Variants in CYP4F8 observed in about 807,000 individuals in gnomAD.
CYP4F8 encodes the protein cytochrome P450 4F8.
A neutral mutation model predicts 55.0 loss-of-function variants in CYP4F8; 56 were observed. The ratio of observed to expected loss-of-function variants is 1.02; its 90% CI spans 0.82 to 1.27. The LOEUF (loss-of-function observed/expected upper bound fraction) is 1.27. Among genes scored for constraint, CYP4F8 ranks in the 50% most tolerant of loss-of-function variants. CYP4F8 has a pLI of 0.00. For synonymous variants in CYP4F8, 288 were observed against 267.3 expected (o/e 1.08, Z -0.76); for missense variants, 680 against 682.4 (o/e 1.00, Z 0.04).
chr19:15,623,478 G>A, intron 7 of CYP4F8, 103 bp downstream of exon 7: 1 of 1,526,114 alleles, frequency 6.6e-7, no homozygotes, highest in Non-Finnish European at 8.8e-7. Context: ...AGGAGCCATG[G>A]AAGGTGCTCG....
In CYP4F8 at chr19:15,629,608, G is replaced by C. The variant is rs1328729944; in HGVS notation, c.*250G>C. The C allele has an allele frequency of 1.6e-5, 7 of 450,018 alleles. No homozygotes were observed. The highest frequency in any genetic ancestry group is 2.7e-5 in the Non-Finnish European group (7 of 260,556). The allele number at this position is 450,018 out of a possible 1,614,324, so 27.9% of individuals were successfully genotyped here. On this transcript the variant is annotated 3_prime_UTR_variant, in exon 13 of 13. Transcript: ENST00000612078. The stretch of plus-strand genomic sequence containing the variant: ...CCCGTGCTGAGGGTGGGATCTCCCA[G>C]AGTCTAAGTAAAGACTTTTTCCCCC...
Position 15,619,500 on chromosome 19 carries a change from A to AGACAAG in CYP4F8, c.359_364dup (p.Lys120_Asp121dup), listed in dbSNP as rs1302625991. 6.2e-7 allele frequency: 1 copy of AGACAAG among 1,614,042 alleles called. No homozygotes were observed. The highest frequency in any genetic ancestry group is 1.3e-5 in the African/African-American group (1 of 74,938). ...CCTCATTCATGTCAGATGCCATTAC[A>AGACAAG]GACAAGGACATAGTCTTCTACAAGA... On this transcript the variant is annotated inframe_insertion, in exon 4 of 13. Transcript: ENST00000612078.
intron 9 of CYP4F8, among the ~76,000 whole-genome samples, chr19:15,624,460 A>C (rs1259390141): frequency 6.6e-6 from 1 of 152,200 alleles, no homozygotes; most frequent in African/African-American, 2.4e-5. Context: ...ATCTAATATT[A>C]TGATTTATCA....
At chr19:15,619,913 ACTAAAAGG>A in intron 5 of CYP4F8, 151 bp downstream of exon 5, 1 of 606,536 alleles carries the variant, frequency 1.6e-6, no homozygotes, top group Non-Finnish European at 2.0e-6. Flanking sequence ...AATAATCCTC[ACTAAAAGG>A]TGGTAGGAGC....
rs200780867 is a variant in CYP4F8 at position 15,619,518 on chromosome 19, C to A, written c.372C>A (p.Phe124Leu). The change falls in exon 4 of 13, where the codon TTC (phenylalanine) becomes TTA (leucine). Residue 124 changes from phenylalanine to leucine, a missense_variant. Coordinates refer to ENST00000612078, the MANE Select transcript of CYP4F8 (RefSeq NM_007253.4). Reference protein sequence around the residue: ...SDAITDKDIVFYKTLKPWLGD... With the variant: ...SDAITDKDIVLYKTLKPWLGD... ...CCATTACAGACAAGGACATAGTCTT[C>A]TACAAGACCCTGAAGCCCTGGCTGG... 2.8e-4 allele frequency: 458 copies of A among 1,614,214 alleles called. 2 individuals are homozygous for A. In the African/African-American group the frequency reaches 5.7e-3, roughly 20 times the overall value.
chr19:15,618,347 G>T lies in CYP4F8; in HGVS notation c.343+203G>T, dbSNP rs150613125. On this transcript the variant is annotated intron_variant, in intron 3 of 12. Transcript: ENST00000612078. ...CTCTGCTGCCATCTTCCCCACCTCC[G>T]TGTTGTTCTGGGAACCACTGGGGCC... 8 of 886,398 alleles carry T rather than the reference G, an allele frequency of 9.0e-6. No homozygotes were observed. The South Asian group carries it at 9.9e-5, about 11-fold the overall frequency. 54.9% of individuals were successfully genotyped at this position (886,398 alleles called of 1,614,324 possible).
chr19:15,619,760 C>A lies in CYP4F8; in HGVS notation c.523C>A (p.His175Asn), dbSNP rs1433482792. The A allele has an allele frequency of 6.2e-7, 1 of 1,613,922 alleles. No homozygotes were observed. The highest frequency in any genetic ancestry group is 8.5e-7 in the Non-Finnish European group (1 of 1,179,858). ...KIFSKSANIM[H>N]AKWQRLAMEG... ...TTTCAGCAAGAGTGCAAACATCATG[C>A]ATGTGAGTGCCTTGAACTCAGCATC... The change falls in exon 5 of 13, where the codon CAT (histidine) becomes AAT (asparagine). Residue 175 changes from histidine to asparagine, a missense_variant and splice_region_variant. Transcript: ENST00000612078.
Position 15,619,810 on chromosome 19 carries a change from G to A in CYP4F8, c.525+48G>A, listed in dbSNP as rs761394715. ...CCCAGCTGCAGCCTTGGGGTGGAGG[G>A]ATCACATACAATTGGGTCTGGAATG... On this transcript the variant is annotated intron_variant, in intron 5 of 12. Coordinates refer to ENST00000612078, the MANE Select transcript of CYP4F8 (RefSeq NM_007253.4). 6.9e-6 allele frequency: 11 copies of A among 1,601,574 alleles called. No individual in the cohort carries two copies. In the South Asian group the frequency reaches 7.8e-5, roughly 11 times the overall value.
chr19:15,616,978 C>T (rs1202924786), intron 2 of CYP4F8, among the ~76,000 whole-genome samples: 3 of 152,152 alleles, frequency 2.0e-5, no homozygotes, highest in Admixed American at 6.5e-5. Context: ...TCCTGACAGA[C>T]AGTTAGAGCC....
intron 2 of CYP4F8, among the ~76,000 whole-genome samples, chr19:15,616,469 AG>A (rs1396311591): frequency 2.0e-5 from 3 of 152,200 alleles, no homozygotes; most frequent in Non-Finnish European, 4.4e-5. Context: ...GTTACGCAGC[AG>A]GTATTCACCA....
intron 12 of CYP4F8, 88 bp from the exon 13 acceptor site, chr19:15,629,105 G>T (rs1000589028): frequency 1.4e-6 from 2 of 1,480,498 alleles, no homozygotes; most frequent in Non-Finnish European, 1.8e-6. Context: ...GATCTGGGTG[G>T]GGTTGGGGGT....
At chr19:15,629,134 C>A (rs1291669108) in intron 12 of CYP4F8, 59 bp from the exon 13 acceptor site, 80 of 1,512,376 alleles carry the variant, frequency 5.3e-5, no homozygotes, top group Non-Finnish European at 6.6e-5. Context: ...TGGTTCCTGG[C>A]GCAGTGGGGC....
At chr19:15,616,375 C>A (rs1972122627) in intron 2 of CYP4F8, among the ~76,000 whole-genome samples, 1 of 152,028 alleles carries the variant, frequency 6.6e-6, no homozygotes, top group African/African-American at 2.4e-5. Flanking sequence ...TAGGGGAAGT[C>A]ACCCCTAGAC....
At chr19:15,617,124 A>G (rs1972132847) in intron 2 of CYP4F8, among the ~76,000 whole-genome samples, 1 of 152,174 alleles carries the variant, frequency 6.6e-6, no homozygotes, top group South Asian at 2.1e-4. Context: ...ACATGTCCTG[A>G]GGCCACATTG....
intron 2 of CYP4F8, among the ~76,000 whole-genome samples, chr19:15,617,219 C>A (rs1009211890): frequency 2.0e-5 from 3 of 152,206 alleles, no homozygotes; most frequent in African/African-American, 4.8e-5. Flanking sequence ...AATCCATCCT[C>A]TTTATTCAAG....
At chr19:15,628,926 C>T (rs1198483121) in intron 12 of CYP4F8, 83 bp downstream of exon 12, 2 of 1,434,466 alleles carry the variant, frequency 1.4e-6, no homozygotes, top group South Asian at 1.3e-5. Flanking sequence ...CTTGTAGGAC[C>T]ACGTGTTTCT....
At position 15,619,661 on chromosome 19, in the gene CYP4F8, G is replaced by A. The variant is rs569206626; in HGVS notation, c.424G>A (p.Asp142Asn). The stretch of plus-strand genomic sequence containing the variant: ...GGATGGGCTCTTGTTAAGTGTTGGT[G>A]ACAAGTGGAGACACCACCGTCGCTT... The part of the protein sequence containing the change: ...LGDGLLLSVG[D>N]KWRHHRRLLT... The change falls in exon 5 of 13, where the codon GAC becomes AAC. Residue 142 changes from aspartate to asparagine, a missense_variant. Asp to Asn is a conservative substitution (Grantham distance 23, BLOSUM62 1). Coordinates refer to ENST00000612078, the MANE Select transcript of CYP4F8 (RefSeq NM_007253.4). 6.2e-7 allele frequency: 1 copy of A among 1,614,236 alleles called. No individual in the cohort carries two copies. The highest frequency in any genetic ancestry group is 2.2e-5 in the East Asian group (1 of 44,880).
intron 9 of CYP4F8, among the ~76,000 whole-genome samples, chr19:15,624,714 C>T (rs141048245): frequency 1.3e-5 from 2 of 152,230 alleles, no homozygotes; most frequent in African/African-American, 4.8e-5. Context: ...CCCAGAAGTG[C>T]CTATTATGAA....
chr19:15,626,701 G>A (rs543897971), intron 9 of CYP4F8, among the ~76,000 whole-genome samples: 3 of 152,140 alleles, frequency 2.0e-5, no homozygotes, highest in South Asian at 4.1e-4. Context: ...TGGGTCCACT[G>A]TATCTTTTAC....
Sources: gnomAD v4.1 joint callset for allele counts (sites outside exome capture counted in the v4.1 genomes callset) on GRCh38, gnomAD v4.1.1 for gene constraint, MANE v1.5 for transcripts, NCBI Gene and HGNC (gene_info 2026-07-23, HGNC 2026-07-21) for gene names.